COBL: variants seen among roughly 807,000 people sequenced by gnomAD.
COBL encodes the protein protein cordon-bleu.
COBL carries 51 observed loss-of-function variants against 98.8 expected under a neutral mutation model. That is an observed-to-expected ratio of 0.52 (90% CI 0.41 to 0.65). COBL has a LOEUF of 0.65. Ranked by LOEUF, COBL falls within the 30% of genes least tolerant of loss-of-function variation. The probability of loss-of-function intolerance (pLI) is 0.00; values close to 1 mark genes in which losing one functional copy is unlikely to be tolerated. For missense variants in COBL, 1,617 were observed against 1,617.5 expected, an observed-to-expected ratio of 1.00 and a Z score of 0.01; for synonymous variants, 634 against 651.7, an observed-to-expected ratio of 0.97 and a Z score of 0.41.
intron 5 of COBL, among the ~76,000 whole-genome samples, chr7:51,137,197 G>T (rs1201850212): frequency 6.6e-6 from 1 of 152,126 alleles, no homozygotes; most frequent in Non-Finnish European, 1.5e-5. Context: ...AACACTGAGA[G>T]CCAATGCAGT....
chr7:51,219,869 G>T lies in COBL; in HGVS notation c.117C>A (p.Pro39=), dbSNP rs751243625. Reference sequence around the variant, plus strand: ...GCGACCCGAGGGCCCCATCGTGGGGGGGCTTCTGGTCACTGTGCACATGCA... The same window carrying T: ...GCGACCCGAGGGCCCCATCGTGGGGTGGCTTCTGGTCACTGTGCACATGCA... ...ATLHVHSDQK[P]PHDGALGSQQ... The change falls in exon 2 of 13, where the codon CCC becomes CCA. Residue 39 remains proline (P), a synonymous_variant. Transcript: ENST00000265136. The T allele has an allele frequency of 2.5e-6, 4 of 1,613,384 alleles. No homozygotes were observed. The highest frequency in any genetic ancestry group is 2.5e-6 in the Non-Finnish European group (3 of 1,180,038).
At chr7:51,231,088 C>T (rs538738563) in intron 1 of COBL, among the ~76,000 whole-genome samples, 1 of 152,306 alleles carries the variant, frequency 6.6e-6, no homozygotes, top group Non-Finnish European at 1.5e-5. Flanking sequence ...TATTTAACTT[C>T]CTTTGGGTTG....
intron 12 of COBL, chr7:51,022,551 G>A (rs1265970458): frequency 6.6e-6 from 1 of 152,150 alleles, no homozygotes; most frequent in East Asian, 1.9e-4. Context: ...AACTTCCTCT[G>A]TTCTTTCGGG....
Position 51,251,504 on chromosome 7 carries a change from TAGCTTACAAA to T in COBL, c.42-31570_42-31561del, listed in dbSNP as rs150529218. 3.1e-3 allele frequency among the ~76,000 whole-genome samples: 466 copies of T among 152,336 alleles called. 2 individuals are homozygous for T. The highest frequency in any genetic ancestry group is 0.01 in the African/African-American group (435 of 41,588). ...CGAATGACTCATACAAAGCTGCTCC[TAGCTTACAAA>T]AGTTTAGATTTGCTTAGAATTTATT... On this transcript the variant is annotated intron_variant, in intron 1 of 12. Coordinates refer to ENST00000265136, the MANE Select transcript of COBL (RefSeq NM_015198.5).
At chr7:51,236,769 T>C (rs1429975078) in intron 1 of COBL, among the ~76,000 whole-genome samples, 4 of 152,102 alleles carry the variant, frequency 2.6e-5, no homozygotes, top group Non-Finnish European at 5.9e-5. Flanking sequence ...TATAAAATAA[T>C]GTGGTCAAGG....
At chr7:51,061,221 A>G (rs570893087) in intron 7 of COBL, among the ~76,000 whole-genome samples, 1 of 152,264 alleles carries the variant, frequency 6.6e-6, no homozygotes, top group South Asian at 2.1e-4. Flanking sequence ...CATTTTGTTA[A>G]GAATATGTTT....
chr7:51,179,538 T>C (rs1178954057), intron 5 of COBL, among the ~76,000 whole-genome samples: 2 of 152,192 alleles, frequency 1.3e-5, no homozygotes, highest in Non-Finnish European at 2.9e-5. Flanking sequence ...TCAGGTTATT[T>C]TTATATGAAT....
intron 5 of COBL, chr7:51,156,118 A>C (rs1231414956): frequency 1.0e-6 from 1 of 975,396 alleles, no homozygotes; most frequent in Admixed American, 6.1e-5. Flanking sequence ...TGCTAAAAGA[A>C]AACAAATATC....
At chr7:51,086,947 T>C (rs1413551152) in intron 6 of COBL, among the ~76,000 whole-genome samples, 1 of 152,086 alleles carries the variant, frequency 6.6e-6, no homozygotes, top group Non-Finnish European at 1.5e-5. Context: ...CAGCAATTTA[T>C]TGTCCACCAC....
In COBL at chr7:51,027,962, C is replaced by A; in HGVS notation, c.3134G>T (p.Gly1045Val). 2.5e-6 allele frequency: 4 copies of A among 1,609,512 alleles called. No homozygotes were observed. Among genetic ancestry groups the A allele is most frequent in the Non-Finnish European group, 3.4e-6 (4 of 1,177,580 alleles). The change falls in exon 10 of 13, where the codon GGC (glycine) becomes GTC (valine). Residue 1045 changes from glycine (G) to valine (V), a missense_variant. Gly to Val is a moderately radical substitution (Grantham distance 109). Coordinates refer to ENST00000265136, the MANE Select transcript of COBL (RefSeq NM_015198.5). ...TGGAGGGTGGGAAGGCTCGCCGTGG[C>A]CTGGGGCGCGCACAGAGCCATTGAC... ...ELVNGSVRAP[G>V]HGEPSHPPGG...
chr7:51,158,240 T>C (rs1434524680), intron 5 of COBL, among the ~76,000 whole-genome samples: 1 of 152,262 alleles, frequency 6.6e-6, no homozygotes, highest in African/African-American at 2.4e-5. Context: ...TTGTTTATTT[T>C]ATTTATTTTA....
At chr7:51,261,585 T>C (rs1797723075) in intron 1 of COBL, among the ~76,000 whole-genome samples, 1 of 152,122 alleles carries the variant, frequency 6.6e-6, no homozygotes, top group South Asian at 2.1e-4. Context: ...CACCAGGGAA[T>C]GGAGGAATCT....
intron 5 of COBL, among the ~76,000 whole-genome samples, chr7:51,166,173 C>T (rs1385502627): frequency 4.6e-5 from 7 of 151,522 alleles, no homozygotes; most frequent in African/African-American, 1.5e-4. Flanking sequence ...TGAAACAAAA[C>T]GTTGATTTTT....
chr7:51,028,140 G>T lies in COBL; in HGVS notation c.2956C>A (p.Arg986Ser). The change falls in exon 10 of 13, where the codon CGT (arginine) becomes AGT (serine). Residue 986 changes from arginine (R) to serine (S), a missense_variant. Around this residue, in one of 3 missense-constraint regions of COBL, gnomAD observed 1,304 missense variants for 1,282.0 expected, o/e 1.02. Coordinates refer to ENST00000265136, the MANE Select transcript of COBL (RefSeq NM_015198.5). Reference sequence around the variant, plus strand: ...CCACAGCTCTGTCCCACAGAAACACGATCCCTCTGGGAAGACTGAACCAGT... The same window carrying T: ...CCACAGCTCTGTCCCACAGAAACACTATCCCTCTGGGAAGACTGAACCAGT... The part of the protein sequence containing the change: ...FSLVQSSQRD[R>S]VSVGQSCGFS... The T allele has an allele frequency of 6.2e-7, 1 of 1,614,214 alleles. No individual in the cohort carries two copies. Among genetic ancestry groups the T allele is most frequent in the Non-Finnish European group, 8.5e-7 (1 of 1,180,040 alleles).
chr7:51,140,380 C>T (rs540053047), intron 5 of COBL, among the ~76,000 whole-genome samples: 2 of 152,248 alleles, frequency 1.3e-5, no homozygotes, highest in South Asian at 4.1e-4. Flanking sequence ...ATTTGACTCT[C>T]ATACGCGCAT....
At chr7:51,072,443 G>T (rs987891725) in intron 7 of COBL, 2 of 152,206 alleles carry the variant, frequency 1.3e-5, no homozygotes, top group African/African-American at 4.8e-5. Context: ...AGACATGGTG[G>T]TCACAACCTC....
intron 7 of COBL, among the ~76,000 whole-genome samples, chr7:51,052,537 G>A (rs1273109670): frequency 6.6e-6 from 1 of 152,132 alleles, no homozygotes; most frequent in Admixed American, 6.5e-5. Flanking sequence ...GCAGTGGATG[G>A]CCATCCCTGC....
At chr7:51,187,713 T>C (rs886381711) in intron 4 of COBL, among the ~76,000 whole-genome samples, 1 of 152,188 alleles carries the variant, frequency 6.6e-6, no homozygotes, top group African/African-American at 2.4e-5. Context: ...CTAAGAAGCA[T>C]TCTTATCTGA....
chr7:51,061,613 C>A (rs1417861558), intron 7 of COBL, among the ~76,000 whole-genome samples: 1 of 152,044 alleles, frequency 6.6e-6, no homozygotes, highest in East Asian at 1.9e-4. Context: ...CTGGGTGTGT[C>A]TGTGAGGCTG....
Sources: allele counts gnomAD v4.1 joint callset (sites outside exome capture counted in the v4.1 genomes callset), GRCh38; gene constraint gnomAD v4.1.1; regional missense constraint gnomAD v4.1.1; transcripts MANE v1.5; gene names NCBI Gene and HGNC (gene_info 2026-07-23, HGNC 2026-07-21).